ANKS1B: variants seen among roughly 807,000 people sequenced by gnomAD.
ANKS1B encodes the protein ankyrin repeat and sterile alpha motif domain-containing protein 1B.
ANKS1B carries 36 observed loss-of-function variants against 148.3 expected under a neutral mutation model. The observed-to-expected ratio is 0.24, with a 90% CI of 0.19 to 0.32. ANKS1B has a LOEUF of 0.32. Among genes scored for constraint, ANKS1B ranks in the 10% least tolerant of loss-of-function variants. The pLI is 1.00. For missense variants in ANKS1B, 1,157 were observed against 1,542.6 expected (o/e 0.75, Z 4.19); for synonymous variants, 542 against 560.8 (o/e 0.97, Z 0.47).
At chr12:99,678,591 C>T (rs1466559017) in intron 8 of ANKS1B, among the ~76,000 whole-genome samples, 1 of 152,060 alleles carries the variant, frequency 6.6e-6, no homozygotes, top group Admixed American at 6.5e-5. Flanking sequence ...TAGTGTTGGG[C>T]TAAGTACAAT....
In ANKS1B at chr12:99,782,812, A is replaced by T. The variant is rs114568945; in HGVS notation, c.670-715T>A. ...ATATTCACATTCTATTTGAAGAGAC[A>T]GATGTATAAACACAGATGCTCCTTG... On this transcript the variant is annotated intron_variant, in intron 4 of 26. Transcript: ENST00000683438. Among the ~76,000 whole-genome samples the T allele has an allele frequency of 7.4e-3, 1,128 of 152,318 alleles. 20 individuals are homozygous for T. Among genetic ancestry groups the T allele is most frequent in the African/African-American group, 0.026 (1,099 of 41,562 alleles).
At chr12:99,562,861 A>C (rs1329821211) in intron 9 of ANKS1B, among the ~76,000 whole-genome samples, 1 of 152,170 alleles carries the variant, frequency 6.6e-6, no homozygotes, top group African/African-American at 2.4e-5. Context: ...ACAGAGCCAG[A>C]CCATATCAGC....
intron 11 of ANKS1B, among the ~76,000 whole-genome samples, chr12:99,424,616 A>T (rs574358378): frequency 7.0e-6 from 1 of 143,488 alleles, no homozygotes; most frequent in Non-Finnish European, 1.5e-5. Flanking sequence ...CTGTACAGGT[A>T]GCAGAAACAC....
At chr12:99,403,858 A>G (rs981846966) in intron 11 of ANKS1B, among the ~76,000 whole-genome samples, 1 of 146,344 alleles carries the variant, frequency 6.8e-6, no homozygotes, top group Non-Finnish European at 1.5e-5. Context: ...ATTCTGTCAT[A>G]AAGACACATA....
chr12:99,511,973 T>A lies in ANKS1B; in HGVS notation c.1273-7332A>T, dbSNP rs138306001. Among the ~76,000 whole-genome samples, 1,054 of 152,192 alleles carry A rather than the reference T, an allele frequency of 6.9e-3. 11 individuals carry two copies. Among genetic ancestry groups the A allele is most frequent in the African/African-American group, 0.024 (1,008 of 41,534 alleles). On this transcript the variant is annotated intron_variant, in intron 9 of 26. Coordinates refer to ENST00000683438, the MANE Select transcript of ANKS1B (RefSeq NM_001352186.2). ...ACTATAAAAACCCTAGAAGAAAATC[T>A]AGGCAATACCATTCAGGACATAGGC...
chr12:99,189,532 G>T (rs2080346819), intron 14 of ANKS1B, among the ~76,000 whole-genome samples: 1 of 152,122 alleles, frequency 6.6e-6, no homozygotes, highest in Admixed American at 6.6e-5. Flanking sequence ...TGCAAGGTTG[G>T]TTCAATATAT....
At chr12:98,844,124 T>A (rs1361530294) in intron 17 of ANKS1B, among the ~76,000 whole-genome samples, 6 of 152,160 alleles carry the variant, frequency 3.9e-5, no homozygotes. Flanking sequence ...CAGGGCTTGG[T>A]GTCAGGATGA....
intron 1 of ANKS1B, among the ~76,000 whole-genome samples, chr12:99,868,544 C>A (rs2091055459): frequency 6.6e-6 from 1 of 150,836 alleles, no homozygotes. Context: ...ATGCAGAAAA[C>A]CCCAAAATAA....
At chr12:99,633,644 A>T (rs939692743) in intron 9 of ANKS1B, among the ~76,000 whole-genome samples, 3 of 152,348 alleles carry the variant, frequency 2.0e-5, no homozygotes, top group Admixed American at 2.0e-4. Flanking sequence ...ATGGGATCTA[A>T]TTAAACTAAA....
intron 9 of ANKS1B, among the ~76,000 whole-genome samples, chr12:99,527,377 C>T (rs1041561686): frequency 1.3e-5 from 2 of 152,240 alleles, no homozygotes; most frequent in Middle Eastern, 3.4e-3. Flanking sequence ...TTTAAAATCA[C>T]GTACCCTTTA....
At chr12:99,821,638 C>G (rs2082514561) in intron 2 of ANKS1B, among the ~76,000 whole-genome samples, 1 of 151,982 alleles carries the variant, frequency 6.6e-6, no homozygotes, top group South Asian at 2.1e-4. Flanking sequence ...GAAGTGCTTA[C>G]CTACCAATGC....
chr12:99,041,856 A>G (rs1336561657), intron 17 of ANKS1B, among the ~76,000 whole-genome samples: 3 of 151,992 alleles, frequency 2.0e-5, no homozygotes, highest in Admixed American at 2.0e-4. Context: ...AAAATAAATT[A>G]GTCAGGTGTG....
intron 4 of ANKS1B, among the ~76,000 whole-genome samples, chr12:99,786,827 A>G (rs2065057250): frequency 6.6e-6 from 1 of 152,242 alleles, no homozygotes; most frequent in Admixed American, 6.5e-5. Context: ...ATTCAAAATT[A>G]TAAATTACTG....
intron 10 of ANKS1B, among the ~76,000 whole-genome samples, chr12:99,472,012 A>G (rs937152688): frequency 6.6e-6 from 1 of 152,130 alleles, no homozygotes; most frequent in Non-Finnish European, 1.5e-5. Flanking sequence ...CCTATATGAC[A>G]TATTTTAATT....
At chr12:99,533,681 G>A (rs941543136) in intron 9 of ANKS1B, among the ~76,000 whole-genome samples, 1 of 152,004 alleles carries the variant, frequency 6.6e-6, no homozygotes, top group Non-Finnish European at 1.5e-5. Context: ...ATCATATATG[G>A]CTCTTATCAT....
At chr12:99,900,648 A>G (rs971709110) in intron 1 of ANKS1B, among the ~76,000 whole-genome samples, 4 of 152,140 alleles carry the variant, frequency 2.6e-5, no homozygotes, top group Non-Finnish European at 5.9e-5. Context: ...AGCAGGGAAG[A>G]TTACATTATC....
intron 4 of ANKS1B, among the ~76,000 whole-genome samples, chr12:99,786,477 A>C (rs1320733968): frequency 1.3e-5 from 2 of 152,196 alleles, no homozygotes; most frequent in Non-Finnish European, 2.9e-5. Flanking sequence ...CTTCTAAAGA[A>C]CATCCTCAGT....
At chr12:98,814,577 C>T (rs1175182589) in intron 19 of ANKS1B, among the ~76,000 whole-genome samples, 1 of 152,196 alleles carries the variant, frequency 6.6e-6, no homozygotes, top group East Asian at 1.9e-4. Context: ...TGCCAGCTTG[C>T]CGAAGAGAGA....
chr12:99,913,489 G>A (rs2094071702), intron 1 of ANKS1B, among the ~76,000 whole-genome samples: 1 of 151,964 alleles, frequency 6.6e-6, no homozygotes, highest in South Asian at 2.1e-4. Flanking sequence ...AGTTTCTTTT[G>A]AAATAAAGAA....
Sources: allele counts gnomAD v4.1 joint callset (sites outside exome capture counted in the v4.1 genomes callset), GRCh38; gene constraint gnomAD v4.1.1; transcripts MANE v1.5; gene names NCBI Gene and HGNC (gene_info 2026-07-23, HGNC 2026-07-21).